UBE2Q2: variants seen among roughly 807,000 people sequenced by gnomAD.
UBE2Q2 encodes the protein ubiquitin-conjugating enzyme E2 Q2.
UBE2Q2 carries 54 observed loss-of-function variants against 59.9 expected under a neutral mutation model. That is an observed-to-expected ratio of 0.90 (90% CI 0.72 to 1.13). The LOEUF is 1.13. Ranked by LOEUF, UBE2Q2 falls within the 50% of genes most tolerant of loss-of-function variation. UBE2Q2 has a pLI of 0.00. For missense variants in UBE2Q2, 433 were observed against 441.9 expected (o/e 0.98, Z 0.18); for synonymous variants, 165 against 155.2 (o/e 1.06, Z -0.47).
chr15:75,880,562 C>T (rs1395938167), intron 8 of UBE2Q2, among the ~76,000 whole-genome samples: 2 of 151,102 alleles, frequency 1.3e-5, no homozygotes, highest in African/African-American at 4.9e-5. Flanking sequence ...CGTGTGGTGG[C>T]ACAATCTTGG....
At chr15:75,869,670 G>A (rs571272452) in intron 4 of UBE2Q2, among the ~76,000 whole-genome samples, 8 of 152,178 alleles carry the variant, frequency 5.3e-5, no homozygotes, top group Non-Finnish European at 1.0e-4. Context: ...TCCCATTAAG[G>A]AGGAAGGAGC....
chr15:75,893,900 C>T lies in UBE2Q2; in HGVS notation c.1029+2886C>T, dbSNP rs911536259. ...TTACTAAAATTCTATCTATTCCTTT[C>T]TCCCCTCCTCTCCCTCCCTCTTCCT... On this transcript the variant is annotated intron_variant, in intron 11 of 12. Transcript: ENST00000267938. Among the ~76,000 whole-genome samples the T allele has an allele frequency of 1.1e-4, 16 of 152,134 alleles. 1 individual carries two copies. The highest frequency in any genetic ancestry group is 9.2e-4 in the Admixed American group (14 of 15,270).
intron 1 of UBE2Q2, chr15:75,844,102 C>G: frequency 7.1e-7 from 1 of 1,415,564 alleles, no homozygotes; most frequent in Non-Finnish European, 9.2e-7. Flanking sequence ...ATCTCGGTCC[C>G]CGTCTCCTAG....
chr15:75,858,252 G>A (rs1272134074), intron 2 of UBE2Q2, among the ~76,000 whole-genome samples: 1 of 152,138 alleles, frequency 6.6e-6, no homozygotes, highest in African/African-American at 2.4e-5. Context: ...ATATCTGTCT[G>A]TAAATCATAT....
At chr15:75,876,065 C>CAAAA (rs33923600) in intron 5 of UBE2Q2, 122 bp from the exon 6 acceptor site, 6,115 of 532,482 alleles carry the variant, frequency 0.011, 17 homozygotes, top group Middle Eastern at 0.015. Flanking sequence ...ACTCCATCTC[C>CAAAA]AAAAAAAAAA....
chr15:75,865,061 G>A (rs1897386923), intron 3 of UBE2Q2, among the ~76,000 whole-genome samples: 1 of 152,216 alleles, frequency 6.6e-6, no homozygotes, highest in Admixed American at 6.5e-5. Context: ...TAAGCTTAGT[G>A]TAACTCATAA....
chr15:75,848,519 C>T (rs12909182), intron 1 of UBE2Q2, among the ~76,000 whole-genome samples: 36,584 of 152,088 alleles, frequency 0.24, 5,038 homozygotes, highest in Non-Finnish European at 0.31. Flanking sequence ...TTTATCTGAC[C>T]AATTTATAAT....
intron 2 of UBE2Q2, among the ~76,000 whole-genome samples, chr15:75,857,452 T>A (rs541775412): frequency 1.3e-5 from 2 of 152,316 alleles, no homozygotes; most frequent in African/African-American, 4.8e-5. Flanking sequence ...CACCTCCCAC[T>A]CTTGCAGCCT....
At chr15:75,880,273 C>T (rs557777352) in intron 8 of UBE2Q2, among the ~76,000 whole-genome samples, 7 of 151,706 alleles carry the variant, frequency 4.6e-5, no homozygotes, top group Admixed American at 1.3e-4. Flanking sequence ...TCACCATGCC[C>T]GGCTAATTTT....
intron 1 of UBE2Q2, among the ~76,000 whole-genome samples, chr15:75,851,252 G>T (rs1379762990): frequency 6.6e-6 from 1 of 151,518 alleles, no homozygotes; most frequent in Admixed American, 6.6e-5. Context: ...CATCTTACTG[G>T]CTAATTTTTT....
At chr15:75,844,423 C>T (rs1370303204) in intron 1 of UBE2Q2, 8 of 1,551,448 alleles carry the variant, frequency 5.2e-6, no homozygotes, top group East Asian at 2.4e-5. Flanking sequence ...CGACCCCTCT[C>T]CCCCGGGCCT....
intron 9 of UBE2Q2, among the ~76,000 whole-genome samples, chr15:75,889,181 A>C (rs335717): frequency 0.91 from 139,015 of 152,182 alleles, 64,322 homozygotes; most frequent in East Asian, 1. Flanking sequence ...AGAATACACA[A>C]AAAAAAATTT....
At chr15:75,873,843 A>G (rs111736706) in intron 5 of UBE2Q2, among the ~76,000 whole-genome samples, 1,798 of 152,228 alleles carry the variant, frequency 0.012, 30 homozygotes, top group African/African-American at 0.041. Context: ...CTATAGGCAC[A>G]TGCCACCATG....
intron 1 of UBE2Q2, among the ~76,000 whole-genome samples, chr15:75,851,418 ATCT>A (rs1896629882): frequency 6.6e-6 from 1 of 152,134 alleles, no homozygotes; most frequent in Non-Finnish European, 1.5e-5. Context: ...GTTCACCGAG[ATCT>A]TCTAAATGTT....
At chr15:75,892,285 T>G (rs963198091) in intron 11 of UBE2Q2, among the ~76,000 whole-genome samples, 2 of 152,144 alleles carry the variant, frequency 1.3e-5, no homozygotes, top group African/African-American at 4.8e-5. Flanking sequence ...TCCCAAAGAT[T>G]AAAAGAATTC....
At chr15:75,844,426 C>T (rs1007501311) in intron 1 of UBE2Q2, 2 of 1,551,650 alleles carry the variant, frequency 1.3e-6, no homozygotes, top group Non-Finnish European at 1.7e-6. Context: ...CCCCTCTCCC[C>T]CGGGCCTGGC....
intron 7 of UBE2Q2, among the ~76,000 whole-genome samples, chr15:75,878,805 A>G (rs934808968): frequency 6.6e-5 from 10 of 151,986 alleles, no homozygotes; most frequent in Admixed American, 5.9e-4. Context: ...TGAGTTCTTG[A>G]GAAAATTATA....
chr15:75,885,843 T>A (rs1191637717), intron 9 of UBE2Q2, among the ~76,000 whole-genome samples: 3 of 152,242 alleles, frequency 2.0e-5, no homozygotes, highest in Non-Finnish European at 4.4e-5. Flanking sequence ...TAGACTGTTT[T>A]TGGATCAGGC....
chr15:75,896,890 C>A, intron 11 of UBE2Q2, 105 bp from the exon 12 acceptor site: 1 of 562,312 alleles, frequency 1.8e-6, no homozygotes, highest in Non-Finnish European at 3.1e-6. Context: ...TGGAGATAGT[C>A]AGTTTCCCAT....
Sources: gnomAD v4.1 joint callset for allele counts (sites outside exome capture counted in the v4.1 genomes callset) on GRCh38, gnomAD v4.1.1 for gene constraint, MANE v1.5 for transcripts, NCBI Gene and HGNC (gene_info 2026-07-23, HGNC 2026-07-21) for gene names.